FAM120A: variants seen among roughly 807,000 people sequenced by gnomAD.
FAM120A encodes family with sequence similarity 120 member A, also known as constitutive coactivator of PPAR-gamma-like protein 1.
A neutral mutation model predicts 109.7 loss-of-function variants in FAM120A; 15 were observed. The ratio of observed to expected loss-of-function variants is 0.14; its 90% confidence interval spans 0.09 to 0.21. The LOEUF (loss-of-function observed/expected upper bound fraction) is 0.21, where lower values mean the gene tolerates loss of function less well. FAM120A is among the 10% of genes least tolerant of loss of function. The pLI, the probability that FAM120A is intolerant of heterozygous loss-of-function variation, is 1.00. For missense variants in FAM120A, 899 were observed against 1,439.3 expected (o/e 0.62, Z 6.07); for synonymous variants, 493 against 572.8 (o/e 0.86, Z 1.99).
At chr9:93,530,383 C>T (rs183847747) in intron 9 of FAM120A, 1 of 152,268 alleles carries the variant, frequency 6.6e-6, no homozygotes. Flanking sequence ...AACATGAATA[C>T]CTATATGACC....
chr9:93,543,511 CA>C, intron 11 of FAM120A, 40 bp downstream of exon 11: 1 of 1,602,216 alleles, frequency 6.2e-7, no homozygotes, highest in Non-Finnish European at 8.5e-7. Context: ...GGGTCCCCGC[CA>C]GGTGTAGGGG....
intron 8 of FAM120A, among the ~76,000 whole-genome samples, chr9:93,528,873 CTA>C (rs10562017): frequency 0.11 from 16,309 of 152,106 alleles, 1,814 homozygotes; most frequent in African/African-American, 0.28. Context: ...AATTCCATTT[CTA>C]TGTGTTAGGG....
At chr9:93,533,949 AG>A (rs1216542277) in intron 10 of FAM120A, among the ~76,000 whole-genome samples, 1 of 152,240 alleles carries the variant, frequency 6.6e-6, no homozygotes, top group East Asian at 1.9e-4. Context: ...GAATAGGAAC[AG>A]GCTTTGTGGC....
intron 3 of FAM120A, among the ~76,000 whole-genome samples, chr9:93,478,173 CTT>C (rs372063001): frequency 6.6e-6 from 1 of 150,766 alleles, no homozygotes; most frequent in Admixed American, 6.6e-5. Context: ...TCTTTAATAT[CTT>C]TTTTTTTGAG....
chr9:93,544,303 A>G (rs1230069216), intron 11 of FAM120A, among the ~76,000 whole-genome samples: 2 of 152,222 alleles, frequency 1.3e-5, no homozygotes, highest in Non-Finnish European at 2.9e-5. Flanking sequence ...CTGCTCCAGC[A>G]TCAGCCATCT....
rs1564299697 is a variant in FAM120A, at chr9:93,452,798, G to T, written c.474+409G>T. On this transcript the variant is annotated intron_variant, in intron 1 of 17. Transcript: ENST00000277165. This position sits in a 1 kb window ranked among gnomAD's most constrained non-coding sequence, Gnocchi z 7.0. ...TTAGCCTGTTCTTTCCCAGCAACAG[G>T]TTCATCTTGGAAGCAGGCAGGATAC... 6.3e-7 allele frequency: 1 copy of T among 1,589,066 alleles called. No homozygotes were observed. The highest frequency in any genetic ancestry group is 1.7e-5 in the Admixed American group (1 of 57,818).
rs751669203 is a variant in FAM120A, at chr9:93,502,941, A to C, written c.1030+4055A>C. ...ACAACTAACACTGAGGTCTCACCTC[A>C]GATCTGTGGATGTGGAATCTATGGG... On this transcript the variant is annotated intron_variant, in intron 5 of 17. Transcript: ENST00000277165. 3.9e-4 allele frequency among the ~76,000 whole-genome samples: 60 copies of C among 152,286 alleles called. 1 individual carries two copies. Among genetic ancestry groups the C allele is most frequent in the Non-Finnish European group, 7.3e-5 (5 of 68,052 alleles).
At chr9:93,519,763 C>T (rs1009265314) in intron 7 of FAM120A, among the ~76,000 whole-genome samples, 2 of 152,044 alleles carry the variant, frequency 1.3e-5, no homozygotes, top group African/African-American at 4.8e-5. Flanking sequence ...ATCAGTGGCA[C>T]TCTTTTAAAG....
intron 17 of FAM120A, among the ~76,000 whole-genome samples, chr9:93,563,952 A>G (rs1407582444): frequency 6.6e-6 from 1 of 152,240 alleles, no homozygotes; most frequent in East Asian, 1.9e-4. Flanking sequence ...ATTTAGTGCC[A>G]TACAAAGGAT....
Position 93,532,054 on chromosome 9 carries a change from G to A in FAM120A, c.1735-101G>A, listed in dbSNP as rs945547169. 20 of 1,105,180 alleles carry A rather than the reference G, an allele frequency of 1.8e-5. No individual in the cohort carries two copies. Among genetic ancestry groups the A allele is most frequent in the Non-Finnish European group, 1.8e-5 (14 of 758,608 alleles). The allele number at this position is 1,105,180 out of a possible 1,614,324, so 68.5% of individuals were successfully genotyped here. ...TAAGCAGTTGATTTGGAATGGAATT[G>A]CAATGTCATTAACTGGAGATAATAC... On this transcript the variant is annotated intron_variant, in intron 9 of 17. Coordinates refer to ENST00000277165, the MANE Select transcript of FAM120A (RefSeq NM_014612.5). This position sits in a 1 kb window ranked among gnomAD's most constrained non-coding sequence, Gnocchi z 4.3.
Position 93,564,236 on chromosome 9 carries a change from C to T in FAM120A, c.3053C>T (p.Pro1018Leu). 1.9e-6 allele frequency: 3 copies of T among 1,608,326 alleles called. No homozygotes were observed. The highest frequency in any genetic ancestry group is 1.7e-6 in the Non-Finnish European group (2 of 1,175,004). The change falls in exon 18 of 18, where the codon CCT (proline) becomes CTT (leucine). Residue 1018 changes from proline (P) to leucine (L), a missense_variant. Pro to Leu is a moderately conservative substitution (Grantham distance 98, BLOSUM62 -3). This residue lies in a region of FAM120A where 170 missense variants were observed against 205.0 expected (regional missense o/e 0.83). Coordinates refer to ENST00000277165, the MANE Select transcript of FAM120A (RefSeq NM_014612.5). ...YKNQAAIQGR[P>L]PYAASAEEVA... Reference sequence around the variant, plus strand: ...GTCCTTCATTTTAAACAGGGCAGACCTCCTTATGCTGCTTCAGCAGAAGAA... The same window carrying T: ...GTCCTTCATTTTAAACAGGGCAGACTTCCTTATGCTGCTTCAGCAGAAGAA...
chr9:93,549,875 T>C (rs1002880280), intron 11 of FAM120A, among the ~76,000 whole-genome samples: 7 of 152,226 alleles, frequency 4.6e-5, no homozygotes, highest in African/African-American at 1.7e-4. Context: ...CTTGGGGTTG[T>C]GCCTTGTGCA....
At position 93,451,904 on chromosome 9, in the gene FAM120A, C is replaced by T. The variant is rs1458505282; in HGVS notation, c.-12C>T. On this transcript the variant is annotated 5_prime_UTR_variant, in exon 1 of 18. Coordinates refer to ENST00000277165, the MANE Select transcript of FAM120A (RefSeq NM_014612.5). The stretch of plus-strand genomic sequence containing the variant: ...CCCCGCCCGCACCCGCGCCCGCGCC[C>T]CCGCCGCCGCCATGGGCGTGCAGGG... The T allele has an allele frequency of 4.7e-6, 6 of 1,273,478 alleles. No individual in the cohort carries two copies. Among genetic ancestry groups the T allele is most frequent in the Middle Eastern group, 3.0e-4 (1 of 3,360 alleles). 78.9% of individuals were successfully genotyped at this position (1,273,478 alleles called of 1,614,324 possible).
intron 10 of FAM120A, among the ~76,000 whole-genome samples, chr9:93,541,410 C>G (rs1291746191): frequency 6.6e-6 from 1 of 152,094 alleles, no homozygotes; most frequent in Non-Finnish European, 1.5e-5. Context: ...CTGAGCTGTG[C>G]TGGAGATCCA....
At chr9:93,557,126 G>GTT (rs1361346618) in intron 13 of FAM120A, among the ~76,000 whole-genome samples, 13 of 114,028 alleles carry the variant, frequency 1.1e-4, no homozygotes, top group African/African-American at 4.0e-4. Flanking sequence ...TGTTTGTTTT[G>GTT]GTTTTTTTTT....
intron 5 of FAM120A, among the ~76,000 whole-genome samples, chr9:93,503,573 G>A (rs1010626664): frequency 2.0e-5 from 3 of 152,168 alleles, no homozygotes; most frequent in African/African-American, 7.2e-5. Context: ...GCCAGAGGTT[G>A]TGGGGAGGGA....
At chr9:93,564,182 G>C (rs765047239) in intron 17 of FAM120A, 47 bp from the exon 18 acceptor site, 1 of 1,569,334 alleles carries the variant, frequency 6.4e-7, no homozygotes, top group South Asian at 1.2e-5. Context: ...TCTCTCTTCT[G>C]TTTATCAGAA....
intron 10 of FAM120A, among the ~76,000 whole-genome samples, chr9:93,534,976 TGTAGTTTAGTACTTCTTTGCCAATG>T: frequency 6.6e-6 from 1 of 152,232 alleles, no homozygotes; most frequent in Non-Finnish European, 1.5e-5. Context: ...TTTTCTGCAC[TGTAGTTTAGTACTTCTTTGCCAATG>T]GTAGTTTAGT....
intron 2 of FAM120A, among the ~76,000 whole-genome samples, chr9:93,471,811 T>G (rs1372956741): frequency 6.6e-6 from 1 of 152,182 alleles, no homozygotes; most frequent in African/African-American, 2.4e-5. Flanking sequence ...ACTCACTACT[T>G]TAAAAGAGAA....
Sources: allele counts gnomAD v4.1 joint callset (sites outside exome capture counted in the v4.1 genomes callset), GRCh38; gene constraint gnomAD v4.1.1; regional missense constraint gnomAD v4.1.1; non-coding constraint Gnocchi (gnomAD v3.1); transcripts MANE v1.5; gene names NCBI Gene and HGNC (gene_info 2026-07-23, HGNC 2026-07-21).